The following MARF1 variants were observed in gnomAD, a reference collection of about 807,000 sequenced individuals.
The protein encoded by MARF1 is limkain-b1.
Under a neutral mutation model 168.2 loss-of-function variants are expected in MARF1, and 24 were observed. That is an observed-to-expected ratio of 0.14 (90% CI 0.10 to 0.20). MARF1 has a LOEUF of 0.20. Ranked by LOEUF, MARF1 falls within the 10% of genes least tolerant of loss-of-function variation. The pLI is 1.00. For missense variants in MARF1, 1,744 were observed against 2,143.6 expected, an observed-to-expected ratio of 0.81 and a Z score of 3.68; for synonymous variants, 868 against 822.4, an observed-to-expected ratio of 1.06 and a Z score of -0.95.
intron 2 of MARF1, among the ~76,000 whole-genome samples, 172 bp from the exon 3 acceptor site, chr16:15,636,514 G>A (rs1281223646): frequency 6.6e-6 from 1 of 152,162 alleles, no homozygotes; most frequent in Non-Finnish European, 1.5e-5. Flanking sequence ...ATTCTTCAGA[G>A]AGGTCTGCAG....
At chr16:15,615,710 C>G in intron 16 of MARF1, 120 bp downstream of exon 16, 1 of 616,980 alleles carries the variant, frequency 1.6e-6, no homozygotes, top group Non-Finnish European at 2.5e-6. Context: ...GATCAAAGGA[C>G]ACATCCATGG....
rs542755898 is a variant in MARF1, at chr16:15,638,941, A to G, written c.144+149T>C. On this transcript the variant is annotated intron_variant, in intron 2 of 26. Transcript: ENST00000396368. ...AAAAATTGTGCTGTGCTCTCACATT[A>G]TAATGTGGTATAAGAGGCAATACAG... 1.9e-4 allele frequency: 115 copies of G among 590,594 alleles called. 1 individual carries two copies. The South Asian group carries it at 3.9e-3, about 20-fold the overall frequency. The allele number at this position is 590,594 out of a possible 1,614,324, so 36.6% of individuals were successfully genotyped here. A position where few individuals can be genotyped will look rare whatever the true frequency, so the allele number is the denominator to read the frequency against.
intron 5 of MARF1, among the ~76,000 whole-genome samples, chr16:15,632,992 T>C (rs1181450872): frequency 6.6e-6 from 1 of 152,040 alleles, no homozygotes; most frequent in African/African-American, 2.4e-5. Flanking sequence ...AAATAATACA[T>C]ATATAACCAT....
At chr16:15,605,785 A>G (rs2032958170) in intron 21 of MARF1, 1 of 152,228 alleles carries the variant, frequency 6.6e-6, no homozygotes, top group African/African-American at 2.4e-5. Flanking sequence ...GGCACCACGG[A>G]GCCTCTCTCA....
intron 1 of MARF1, among the ~76,000 whole-genome samples, chr16:15,639,911 T>C (rs2035839094): frequency 6.6e-6 from 1 of 152,196 alleles, no homozygotes; most frequent in Non-Finnish European, 1.5e-5. Context: ...AAATGAACTC[T>C]CCATGAGTCT....
intron 7 of MARF1, among the ~76,000 whole-genome samples, chr16:15,628,871 A>C (rs940111266): frequency 6.6e-6 from 1 of 152,214 alleles, no homozygotes; most frequent in African/African-American, 2.4e-5. Context: ...AACAGACTAA[A>C]GAACATAAAA....
chr16:15,619,655 C>T (rs8059906), intron 13 of MARF1, among the ~76,000 whole-genome samples: 8,610 of 152,260 alleles, frequency 0.057, 717 homozygotes, highest in African/African-American at 0.18. Context: ...TAAGGATTCA[C>T]GAGCATTTTC....
intron 11 of MARF1, 119 bp from the exon 12 acceptor site, chr16:15,622,030 T>C: frequency 1.2e-6 from 1 of 853,548 alleles, no homozygotes. Flanking sequence ...TGAAGGAGTA[T>C]GTCTGAACTC....
chr16:15,635,023 T>G, intron 3 of MARF1, 92 bp from the exon 4 acceptor site: 3 of 1,083,962 alleles, frequency 2.8e-6, no homozygotes, highest in Non-Finnish European at 2.6e-6. Flanking sequence ...ACACTCTAAG[T>G]GTTTTACCTT....
rs900283896 is a variant in MARF1 at position 15,639,235 on chromosome 16, C to T, written c.-2G>A. Reference sequence around the variant, plus strand: ...CTCAGTTCCGTTTCCTTCCATCATACAGCCATGCAAAGTGATTCAACATCC... The same window carrying T: ...CTCAGTTCCGTTTCCTTCCATCATATAGCCATGCAAAGTGATTCAACATCC... On this transcript the variant is annotated 5_prime_UTR_variant, in exon 2 of 27. Coordinates refer to ENST00000396368, the MANE Select transcript of MARF1 (RefSeq NM_014647.4). 2 of 1,612,802 alleles carry T rather than the reference C, an allele frequency of 1.2e-6. No homozygotes were observed. The highest frequency in any genetic ancestry group is 4.5e-5 in the East Asian group (2 of 44,854).
intron 5 of MARF1, among the ~76,000 whole-genome samples, chr16:15,633,397 T>C (rs1414794266): frequency 6.6e-6 from 1 of 151,912 alleles, no homozygotes; most frequent in Non-Finnish European, 1.5e-5. Context: ...AAATAAAAAA[T>C]GAGCCGAGCA....
chr16:15,634,119 C>T (rs147104473), intron 4 of MARF1, among the ~76,000 whole-genome samples: 48 of 152,274 alleles, frequency 3.2e-4, no homozygotes, highest in African/African-American at 1.1e-3. Context: ...GCATGAGCCA[C>T]TCTGACATTA....
chr16:15,616,083 G>T, intron 15 of MARF1, 78 bp from the exon 16 acceptor site: 1 of 1,231,810 alleles, frequency 8.1e-7, no homozygotes, highest in Non-Finnish European at 1.1e-6. Context: ...TAAACAGAAG[G>T]CTTTGGTTTA....
Position 15,622,964 on chromosome 16 carries a change from G to A in MARF1, c.2430C>T (p.Leu810=), listed in dbSNP as rs1282635134. The A allele has an allele frequency of 1.9e-6, 3 of 1,583,360 alleles. No homozygotes were observed. The highest frequency in any genetic ancestry group is 1.1e-5 in the South Asian group (1 of 88,992). ...YRLSRKELQQ[L]LQEAFARHGK... Reference sequence around the variant, plus strand: ...CATGCCTGGCAAATGCTTCCTGCAGGAGCTGCTGCAGCTCCTTCCGGGATA... The same window carrying A: ...CATGCCTGGCAAATGCTTCCTGCAGAAGCTGCTGCAGCTCCTTCCGGGATA... Residue 810 remains leucine (L), a synonymous_variant, in exon 11 of 27, where the codon CTC becomes CTT. Transcript: ENST00000396368.
At position 15,633,700 on chromosome 16, in the gene MARF1, C is replaced by G; in HGVS notation, c.1150G>C (p.Gly384Arg). Residue 384 changes from glycine to arginine, a missense_variant, in exon 5 of 27, where the codon GGC becomes CGC. Gly to Arg is a moderately radical substitution (Grantham distance 125, BLOSUM62 -2). Transcript: ENST00000396368. ...CAGATGAATTCTGCTTCTCTGTGGC[C>G]TTTAAAAAACTTCTCACGGATTCTT... is the stretch of plus-strand genomic sequence containing the variant. ...VQRIREKFFKGHREAEFICVC... is the reference protein window; with the variant it reads ...VQRIREKFFKRHREAEFICVC... 1 of 1,613,894 alleles carries G rather than the reference C, an allele frequency of 6.2e-7. No individual in the cohort carries two copies. The highest frequency in any genetic ancestry group is 8.5e-7 in the Non-Finnish European group (1 of 1,179,974).
At chr16:15,608,270 A>C in intron 21 of MARF1, 21 bp downstream of exon 21, 1 of 1,408,902 alleles carries the variant, frequency 7.1e-7, no homozygotes, top group South Asian at 1.4e-5. Flanking sequence ...GAAAAAAAAA[A>C]AAAAAAAAAA....
chr16:15,614,326 C>CA (rs941810967), intron 16 of MARF1, among the ~76,000 whole-genome samples: 9 of 143,380 alleles, frequency 6.3e-5, no homozygotes, highest in Admixed American at 4.2e-4. Context: ...ACTAAAAATA[C>CA]AAAAAAAATA....
chr16:15,613,513 T>A (rs1340385841), intron 16 of MARF1, among the ~76,000 whole-genome samples: 2 of 151,228 alleles, frequency 1.3e-5, no homozygotes, highest in African/African-American at 4.9e-5. Flanking sequence ...TACAAAAAAA[T>A]TAGCCGGGCG....
chr16:15,615,620 T>C (rs1035378671), intron 16 of MARF1, among the ~76,000 whole-genome samples: 1 of 151,916 alleles, frequency 6.6e-6, no homozygotes, highest in Non-Finnish European at 1.5e-5. Flanking sequence ...CAAGACTCCG[T>C]CTCAAAAAAA....
Sources: allele counts gnomAD v4.1 joint callset (sites outside exome capture counted in the v4.1 genomes callset), GRCh38; gene constraint gnomAD v4.1.1; transcripts MANE v1.5; gene names NCBI Gene and HGNC (gene_info 2026-07-23, HGNC 2026-07-21).